RFTN1: variants seen among roughly 807,000 people sequenced by gnomAD.
The protein encoded by RFTN1 is raftlin.
In RFTN1, 26 loss-of-function variants were observed where a neutral mutation model predicts 46.5. The observed-to-expected ratio is 0.56, with a 90% CI of 0.41 to 0.78. RFTN1 has a LOEUF of 0.78. RFTN1 is among the 30% of genes least tolerant of loss of function. The pLI, the probability that RFTN1 is intolerant of heterozygous loss-of-function variation, is 0.00. For missense variants in RFTN1, 693 were observed against 718.7 expected (o/e 0.96, Z 0.41); for synonymous variants, 261 against 284.2 (o/e 0.92, Z 0.82).
intron 8 of RFTN1, among the ~76,000 whole-genome samples, chr3:16,326,146 T>TGGA (rs1311678618): frequency 6.6e-6 from 1 of 152,242 alleles, no homozygotes; most frequent in Admixed American, 6.5e-5. Flanking sequence ...AACATATAGA[T>TGGA]GGAGGGCCTT....
rs762701600 is a variant in RFTN1, at chr3:16,352,442, A to G, written c.1146+5490T>C. On this transcript the variant is annotated intron_variant, in intron 7 of 9. Transcript: ENST00000334133. The surrounding 1 kb of genome is among the most constrained non-coding windows in gnomAD (Gnocchi z 4.6). ...TCCAAGAATTACCCTTTCTGCTCAC[A>G]TACTAGACTGTAAACTCAAAGAAAG... 6.6e-6 allele frequency among the ~76,000 whole-genome samples: 1 copy of G among 152,224 alleles called. No homozygotes were observed. Among genetic ancestry groups the G allele is most frequent in the African/African-American group, 2.4e-5 (1 of 41,446 alleles).
At chr3:16,492,655 G>GA (rs1468971164) in intron 2 of RFTN1, among the ~76,000 whole-genome samples, 3 of 152,212 alleles carry the variant, frequency 2.0e-5, no homozygotes, top group Non-Finnish European at 4.4e-5. Context: ...ATAGTGCCCA[G>GA]TTTTTGCTCT....
chr3:16,370,013 A>T lies in RFTN1; in HGVS notation c.1030+63T>A. Reference sequence around the variant, plus strand: ...AAGCAGACTCTGAAGAGGGACTAAGATTTCAAGAGTTAGAAGCAGAGTTCA... The same window carrying T: ...AAGCAGACTCTGAAGAGGGACTAAGTTTTCAAGAGTTAGAAGCAGAGTTCA... On this transcript the variant is annotated intron_variant, in intron 6 of 9. Coordinates refer to ENST00000334133, the MANE Select transcript of RFTN1 (RefSeq NM_015150.2). This position sits in a 1 kb window ranked among gnomAD's most constrained non-coding sequence, Gnocchi z 5.5. 9.5e-6 allele frequency: 14 copies of T among 1,465,986 alleles called. No individual in the cohort carries two copies. The highest frequency in any genetic ancestry group is 1.3e-5 in the Non-Finnish European group (14 of 1,046,106). The allele number at this position is 1,465,986 out of a possible 1,614,324, so 90.8% of individuals were successfully genotyped here.
rs1405000567 is a variant in RFTN1, at chr3:16,327,740, GA to G, written c.1147-865del. Among the ~76,000 whole-genome samples the G allele has an allele frequency of 6.7e-6, 1 of 149,868 alleles. No individual in the cohort carries two copies. Among genetic ancestry groups the G allele is most frequent in the Admixed American group, 6.7e-5 (1 of 15,000 alleles). On this transcript the variant is annotated intron_variant, in intron 7 of 9. Transcript: ENST00000334133. This position sits in a 1 kb window ranked among gnomAD's most constrained non-coding sequence, Gnocchi z 4.2. ...GGCACCACTGCACTCCAGCCTGGGT[GA>G]CAGAGCGGGATTCCCATCTCAAAAA...
In RFTN1 at chr3:16,409,461, T is replaced by C; in HGVS notation, c.355A>G (p.Asn119Asp). 6.2e-7 allele frequency: 1 copy of C among 1,612,748 alleles called. No homozygotes were observed. The highest frequency in any genetic ancestry group is 8.5e-7 in the Non-Finnish European group (1 of 1,178,798). Residue 119 changes from asparagine to aspartate, a missense_variant, in exon 4 of 10, where the codon AAT (asparagine) becomes GAT (aspartate). Physicochemically the swap from Asn to Asp is conservative, Grantham distance 23 (BLOSUM62 1). Transcript: ENST00000334133. Reference protein sequence around the residue: ...TDRSQKTDLHNEGYILELDCC... With the variant: ...TDRSQKTDLHDEGYILELDCC... The stretch of plus-strand genomic sequence containing the variant: ...TCTAATTCCAAGATGTAGCCTTCAT[T>C]GTGAAGATCAGTTTTCTGAGATCTG...
Position 16,466,735 on chromosome 3 carries a change from T to C in RFTN1, c.145+26990A>G, listed in dbSNP as rs1480632806. ...TGCCAGCTTCTCAAAGCAAGAACTA[T>C]ACTGAGGTAGGTATAGACACTCATG... On this transcript the variant is annotated intron_variant, in intron 2 of 9. Coordinates refer to ENST00000334133, the MANE Select transcript of RFTN1 (RefSeq NM_015150.2). The surrounding 1 kb of genome is among the most constrained non-coding windows in gnomAD (Gnocchi z 5.6). 2.0e-5 allele frequency among the ~76,000 whole-genome samples: 3 copies of C among 152,222 alleles called. No individual in the cohort carries two copies. The East Asian group carries it at 5.8e-4, about 29-fold the overall frequency.
Position 16,385,835 on chromosome 3 carries a change from G to T in RFTN1, c.442-7733C>A, listed in dbSNP as rs905823481. Among the ~76,000 whole-genome samples, 1 of 152,134 alleles carries T rather than the reference G, an allele frequency of 6.6e-6. No homozygotes were observed. Among genetic ancestry groups the T allele is most frequent in the African/African-American group, 2.4e-5 (1 of 41,416 alleles). On this transcript the variant is annotated intron_variant, in intron 4 of 9. Coordinates refer to ENST00000334133, the MANE Select transcript of RFTN1 (RefSeq NM_015150.2). This position sits in a 1 kb window ranked among gnomAD's most constrained non-coding sequence, Gnocchi z 5.0. The stretch of plus-strand genomic sequence containing the variant: ...ATCAGCAGAATTCAACATATGTGTG[G>T]TTGTCTGCATTCAGAACAGGATTCT...
intron 4 of RFTN1, among the ~76,000 whole-genome samples, chr3:16,408,601 C>G (rs761678012): frequency 6.8e-6 from 1 of 146,002 alleles, no homozygotes; most frequent in Non-Finnish European, 1.5e-5. Flanking sequence ...CAGTTAGGCA[C>G]AAAACCTCAT....
At chr3:16,492,154 G>T (rs937280574) in intron 2 of RFTN1, among the ~76,000 whole-genome samples, 1 of 152,170 alleles carries the variant, frequency 6.6e-6, no homozygotes, top group South Asian at 2.1e-4. Context: ...CAAGGGCACC[G>T]GAAGGGAGCA....
In RFTN1 at chr3:16,352,512, C is replaced by T. The variant is rs1029136621; in HGVS notation, c.1146+5420G>A. 2.6e-5 allele frequency among the ~76,000 whole-genome samples: 4 copies of T among 152,216 alleles called. No individual in the cohort carries two copies. The highest frequency in any genetic ancestry group is 9.7e-5 in the African/African-American group (4 of 41,444). ...AAATGCCCTATGGATAGACATTTAT[C>T]TTACAAATGCCTTTAATTTTAGGCT... On this transcript the variant is annotated intron_variant, in intron 7 of 9. Transcript: ENST00000334133. This position sits in a 1 kb window ranked among gnomAD's most constrained non-coding sequence, Gnocchi z 4.6.
chr3:16,335,917 G>A lies in RFTN1; in HGVS notation c.1147-9041C>T, dbSNP rs1019612260. Among the ~76,000 whole-genome samples, 2 of 152,220 alleles carry A rather than the reference G, an allele frequency of 1.3e-5. No homozygotes were observed. Among genetic ancestry groups the A allele is most frequent in the African/African-American group, 4.8e-5 (2 of 41,462 alleles). On this transcript the variant is annotated intron_variant, in intron 7 of 9. Transcript: ENST00000334133. This position sits in a 1 kb window ranked among gnomAD's most constrained non-coding sequence, Gnocchi z 4.7. ...AGGACTCCGCAGGAGGGAAGTGGCC[G>A]ACAGCAAGGACTGGTGGCAGCTGCT...
chr3:16,371,462 C>T (rs1293694982), intron 5 of RFTN1, among the ~76,000 whole-genome samples: 1 of 152,198 alleles, frequency 6.6e-6, no homozygotes, highest in Non-Finnish European at 1.5e-5. Flanking sequence ...AGTCCGCTAC[C>T]ACTTGCCAAA....
At chr3:16,404,614 AG>A (rs1172545753) in intron 4 of RFTN1, among the ~76,000 whole-genome samples, 1 of 151,092 alleles carries the variant, frequency 6.6e-6, no homozygotes, top group Non-Finnish European at 1.5e-5. Flanking sequence ...CAAGTCAAAC[AG>A]GACTTGGCTC....
rs1273766282 is a variant in RFTN1, at chr3:16,352,473, A to C, written c.1146+5459T>G. Among the ~76,000 whole-genome samples the C allele has an allele frequency of 2.0e-5, 3 of 152,254 alleles. No individual in the cohort carries two copies. Among genetic ancestry groups the C allele is most frequent in the African/African-American group, 7.2e-5 (3 of 41,464 alleles). ...GACTGTAAACTCAAAGAAAGTAAAC[A>C]AAATACCTGTTATAAATGCCCTATG... On this transcript the variant is annotated intron_variant, in intron 7 of 9. Transcript: ENST00000334133. This position sits in a 1 kb window ranked among gnomAD's most constrained non-coding sequence, Gnocchi z 4.6.
intron 2 of RFTN1, among the ~76,000 whole-genome samples, chr3:16,437,208 T>G (rs1056165029): frequency 6.6e-6 from 1 of 152,192 alleles, no homozygotes; most frequent in Non-Finnish European, 1.5e-5. Flanking sequence ...TTCTGTAATA[T>G]TCACTGCATG....
chr3:16,505,924 T>C (rs534682916), intron 1 of RFTN1, among the ~76,000 whole-genome samples: 3 of 152,194 alleles, frequency 2.0e-5, no homozygotes, highest in African/African-American at 7.2e-5. Context: ...CAAGGCCCTG[T>C]TCTAAATGCC....
rs2071494458 is a variant in RFTN1, at chr3:16,344,267, G to C, written c.1146+13665C>G. ...ATACTAAGAAGTAACAGATTGGAAG[G>C]GGTTTAAGAAGTCAGGGAAACCTAC... is the stretch of plus-strand genomic sequence containing the variant. On this transcript the variant is annotated intron_variant, in intron 7 of 9. Coordinates refer to ENST00000334133, the MANE Select transcript of RFTN1 (RefSeq NM_015150.2). This position sits in a 1 kb window ranked among gnomAD's most constrained non-coding sequence, Gnocchi z 4.4. Among the ~76,000 whole-genome samples, 2 of 151,870 alleles carry C rather than the reference G, an allele frequency of 1.3e-5. No homozygotes were observed. Among genetic ancestry groups the C allele is most frequent in the South Asian group, 2.1e-4 (1 of 4,814 alleles).
rs1169214187 is a variant in RFTN1, at chr3:16,336,322, A to AG, written c.1147-9447dup. 6.6e-6 allele frequency among the ~76,000 whole-genome samples: 1 copy of AG among 152,096 alleles called. No homozygotes were observed. Among genetic ancestry groups the AG allele is most frequent in the Non-Finnish European group, 1.5e-5 (1 of 68,008 alleles). Reference sequence around the variant, plus strand: ...CTTCTGCCCCAGGAGATCCCAGTCTAGGGGTGGGGAGAACAAGCACATGGT... The same window carrying AG: ...CTTCTGCCCCAGGAGATCCCAGTCTAGGGGGTGGGGAGAACAAGCACATGGT... On this transcript the variant is annotated intron_variant, in intron 7 of 9. Coordinates refer to ENST00000334133, the MANE Select transcript of RFTN1 (RefSeq NM_015150.2). The surrounding 1 kb of genome is among the most constrained non-coding windows in gnomAD (Gnocchi z 6.0).
intron 7 of RFTN1, among the ~76,000 whole-genome samples, chr3:16,354,218 G>A (rs1041366620): frequency 6.6e-6 from 1 of 152,210 alleles, no homozygotes; most frequent in Non-Finnish European, 1.5e-5. Context: ...CTGTGATAGG[G>A]TCATGCCCAG....
Sources: gnomAD v4.1 joint callset for allele counts (sites outside exome capture counted in the v4.1 genomes callset) on GRCh38, gnomAD v4.1.1 for gene constraint, Gnocchi (gnomAD v3.1) non-coding constraint, MANE v1.5 for transcripts, NCBI Gene and HGNC (gene_info 2026-07-23, HGNC 2026-07-21) for gene names.